SHISA9: variants seen among roughly 807,000 people sequenced by gnomAD.
SHISA9 encodes the protein shisa family member 9.
In SHISA9, 13 loss-of-function variants were observed where a neutral mutation model predicts 38.0. The observed-to-expected ratio is 0.34, with a 90% CI of 0.22 to 0.54. The LOEUF (loss-of-function observed/expected upper bound fraction) is 0.54. Among genes scored for constraint, SHISA9 ranks in the 20% least tolerant of loss-of-function variants. SHISA9 has a pLI of 0.91. For synonymous variants in SHISA9, 275 were observed against 242.0 expected, an observed-to-expected ratio of 1.14 and a Z score of -1.27; for missense variants, 538 against 575.8, an observed-to-expected ratio of 0.93 and a Z score of 0.67.
the SHISA9 span, among the ~76,000 whole-genome samples, chr16:13,356,478 G>C: frequency 6.6e-6 from 1 of 152,114 alleles, no homozygotes; most frequent in Admixed American, 6.5e-5. Flanking sequence ...AGAGTAAATT[G>C]CTGGGCAGGA....
the SHISA9 span, among the ~76,000 whole-genome samples, chr16:13,397,446 A>C: frequency 2.1e-5 from 3 of 141,622 alleles, no homozygotes; most frequent in South Asian, 6.4e-4. Flanking sequence ...GTTTGTTTTT[A>C]GGCAGAGTCT....
chr16:13,259,358 G>A, the SHISA9 span, among the ~76,000 whole-genome samples: 50 of 152,308 alleles, frequency 3.3e-4, no homozygotes, highest in African/African-American at 1.1e-3. Context: ...TTCACAGGCT[G>A]ATGTTGAGTG....
the SHISA9 span, among the ~76,000 whole-genome samples, chr16:13,273,672 G>A: frequency 3.3e-5 from 5 of 152,196 alleles, no homozygotes; most frequent in South Asian, 2.1e-4. Context: ...AATACAACTC[G>A]CTAGAATCAC....
the SHISA9 span, among the ~76,000 whole-genome samples, chr16:13,515,085 A>G: frequency 6.6e-6 from 1 of 152,194 alleles, no homozygotes; most frequent in Non-Finnish European, 1.5e-5. Context: ...CTAGAATTCT[A>G]TACTCAGTGA....
intron 2 of SHISA9, among the ~76,000 whole-genome samples, chr16:12,919,193 G>A (rs946465140): frequency 3.3e-5 from 5 of 152,144 alleles, no homozygotes; most frequent in African/African-American, 9.7e-5. Context: ...AAAGTAGAAG[G>A]GAAGGTATCC....
intron 2 of SHISA9, among the ~76,000 whole-genome samples, chr16:13,018,174 G>T (rs1367450319): frequency 6.6e-6 from 1 of 152,130 alleles, no homozygotes; most frequent in Admixed American, 6.5e-5. Context: ...GCTCTGTTTT[G>T]GATACATTCT....
chr16:13,197,156 TAG>T (rs369827299), intron 2 of SHISA9, among the ~76,000 whole-genome samples: 1,576 of 141,022 alleles, frequency 0.011, 9 homozygotes, highest in African/African-American at 0.014. Context: ...TATATATATA[TAG>T]AGAGAGAGAG....
At chr16:13,335,768 G>A in the SHISA9 span, among the ~76,000 whole-genome samples, 26 of 152,164 alleles carry the variant, frequency 1.7e-4, no homozygotes, top group East Asian at 1.5e-3. Flanking sequence ...GGGGGGGATC[G>A]GAGACTCAAG....
intron 2 of SHISA9, among the ~76,000 whole-genome samples, chr16:13,067,520 AT>A (rs1175621073): frequency 6.6e-6 from 1 of 152,214 alleles, no homozygotes; most frequent in African/African-American, 2.4e-5. Flanking sequence ...GCCAAGGCCA[AT>A]GTGTTCTATG....
chr16:13,499,292 C>T, the SHISA9 span, among the ~76,000 whole-genome samples: 16 of 152,064 alleles, frequency 1.1e-4, no homozygotes, highest in African/African-American at 3.1e-4. Context: ...AGGAAAATGA[C>T]GTAGTTTTGG....
chr16:13,158,428 GA>G (rs2050565708), intron 2 of SHISA9, among the ~76,000 whole-genome samples: 1 of 152,192 alleles, frequency 6.6e-6, no homozygotes, highest in South Asian at 2.1e-4. Flanking sequence ...AACAAAGAGA[GA>G]AAAAATAGCC....
At chr16:13,337,312 G>A in the SHISA9 span, among the ~76,000 whole-genome samples, 2 of 152,258 alleles carry the variant, frequency 1.3e-5, no homozygotes, top group African/African-American at 2.4e-5. Context: ...TAAGTCTCAC[G>A]AGATCTGATG....
intron 2 of SHISA9, among the ~76,000 whole-genome samples, chr16:12,976,473 G>A (rs2072163290): frequency 6.6e-6 from 1 of 152,132 alleles, no homozygotes; most frequent in Non-Finnish European, 1.5e-5. Context: ...ATCATCTTTA[G>A]CTTGAAAGGT....
chr16:13,549,600 C>T, the SHISA9 span, among the ~76,000 whole-genome samples: 1 of 152,020 alleles, frequency 6.6e-6, no homozygotes, highest in South Asian at 2.1e-4. Flanking sequence ...TCTGCACACC[C>T]CTTAGGTCAG....
At chr16:13,362,908 A>G in the SHISA9 span, among the ~76,000 whole-genome samples, 7 of 152,216 alleles carry the variant, frequency 4.6e-5, no homozygotes, top group African/African-American at 1.7e-4. Flanking sequence ...GATTCCTCTC[A>G]ACAAAAACAG....
chr16:13,415,625 CA>C, the SHISA9 span, among the ~76,000 whole-genome samples: 2 of 151,906 alleles, frequency 1.3e-5, no homozygotes, highest in African/African-American at 4.8e-5. Flanking sequence ...AATCACATGA[CA>C]AAAAGGAATG....
intron 2 of SHISA9, among the ~76,000 whole-genome samples, chr16:12,989,576 G>A (rs760902259): frequency 6.6e-5 from 10 of 151,892 alleles, no homozygotes; most frequent in Non-Finnish European, 1.2e-4. Context: ...AAAGGTTTGG[G>A]ACTGAGCCAC....
At chr16:13,287,374 A>G in the SHISA9 span, among the ~76,000 whole-genome samples, 1 of 152,176 alleles carries the variant, frequency 6.6e-6, no homozygotes, top group Admixed American at 6.5e-5. Context: ...GCTGAAGTTT[A>G]TATCTGAGTG....
chr16:13,159,770 A>C (rs1419348485), intron 2 of SHISA9, among the ~76,000 whole-genome samples: 1 of 152,222 alleles, frequency 6.6e-6, no homozygotes, highest in Non-Finnish European at 1.5e-5. Flanking sequence ...GCCGAGGTTC[A>C]AGTCCATGCC....
Sources: allele counts gnomAD v4.1 joint callset (sites outside exome capture counted in the v4.1 genomes callset), GRCh38; gene constraint gnomAD v4.1.1; transcripts MANE v1.5; gene names NCBI Gene and HGNC (gene_info 2026-07-23, HGNC 2026-07-21).